The following TFB1M variants were observed in gnomAD, a reference collection of about 807,000 sequenced individuals.
The protein encoded by TFB1M is transcription factor B1, mitochondrial, also known as dimethyladenosine transferase 1, mitochondrial.
A neutral mutation model predicts 31.1 loss-of-function variants in TFB1M; 27 were observed. That is an observed-to-expected ratio of 0.87 (90% CI 0.64 to 1.20). TFB1M has a LOEUF of 1.20. TFB1M is among the 50% of genes most tolerant of loss of function. TFB1M has a pLI of 0.00. For synonymous variants in TFB1M, 166 were observed against 151.8 expected (o/e 1.09, Z -0.69); for missense variants, 394 against 418.7 (o/e 0.94, Z 0.51).
At chr6:155,248,342 G>A in the TFB1M span, among the ~76,000 whole-genome samples, 8 of 152,368 alleles carry the variant, frequency 5.3e-5, no homozygotes, top group East Asian at 1.5e-3. Flanking sequence ...GTGAATATGT[G>A]AAACTAGCTA....
intron 5 of TFB1M, among the ~76,000 whole-genome samples, chr6:155,280,995 G>A (rs1208936138): frequency 6.6e-6 from 1 of 152,026 alleles, no homozygotes; most frequent in African/African-American, 2.4e-5. Context: ...CATGTTTGAA[G>A]GTAACTTGTT....
At chr6:155,278,622 C>T (rs1433709588) in intron 5 of TFB1M, among the ~76,000 whole-genome samples, 1 of 152,220 alleles carries the variant, frequency 6.6e-6, no homozygotes, top group African/African-American at 2.4e-5. Flanking sequence ...TCTTACAGGA[C>T]ACTGAGGGCG....
In TFB1M at chr6:155,297,233, AT is replaced by A. The variant is rs1028637802; in HGVS notation, c.395-130del. 1,184 of 948,924 alleles carry A rather than the reference AT, an allele frequency of 1.2e-3. 1 individual carries two copies. Among genetic ancestry groups the A allele is most frequent in the Non-Finnish European group, 1.4e-3 (902 of 655,248 alleles). The allele number at this position is 948,924 out of a possible 1,614,324, so 58.8% of individuals were successfully genotyped here. On this transcript the variant is annotated intron_variant, in intron 3 of 6. Transcript: ENST00000367166. ...AAAATATATAAATAGACATGGCTAAATTTTTTTTTTCACTTATTATTCAAAA... is the reference window on the plus strand; with the variant it reads ...AAAATATATAAATAGACATGGCTAAATTTTTTTTTCACTTATTATTCAAAA...
the TFB1M span, among the ~76,000 whole-genome samples, chr6:155,234,781 G>A: frequency 6.6e-6 from 1 of 152,238 alleles, no homozygotes; most frequent in Non-Finnish European, 1.5e-5. Context: ...GTCTGCATAT[G>A]AGCTGTTTCT....
the TFB1M span, chr6:155,240,618 C>T: frequency 4.4e-5 from 71 of 1,614,042 alleles, no homozygotes; most frequent in African/African-American, 5.3e-4. Context: ...CAGGATCCTC[C>T]TCCGAGGTCT....
At chr6:155,249,968 A>T in the TFB1M span, 3 of 1,611,116 alleles carry the variant, frequency 1.9e-6, no homozygotes, top group Non-Finnish European at 2.5e-6. Flanking sequence ...ACAGAGAAGG[A>T]GGTCCGTGAG....
chr6:155,245,766 T>TTTTTTGCA, the TFB1M span: 2 of 1,439,940 alleles, frequency 1.4e-6, no homozygotes, highest in Non-Finnish European at 1.9e-6. Flanking sequence ...TTTTTTTTTT[T>TTTTTTGCA]TTTTGCATTT....
At chr6:155,252,251 G>A (rs1352645427), downstream of TFB1M, among the ~76,000 whole-genome samples, 1 of 152,142 alleles carries the variant, frequency 6.6e-6, no homozygotes, top group Non-Finnish European at 1.5e-5. Flanking sequence ...GGGAGGCTGA[G>A]GCTTGAGCCC....
intron 5 of TFB1M, among the ~76,000 whole-genome samples, chr6:155,281,901 A>T (rs1409052618): frequency 6.6e-6 from 1 of 152,068 alleles, no homozygotes; most frequent in Admixed American, 6.6e-5. Flanking sequence ...AGTAGCTGAA[A>T]AAAAAGATTA....
intron 2 of TFB1M, among the ~76,000 whole-genome samples, chr6:155,307,130 A>G (rs1777803913): frequency 1.0e-5 from 1 of 97,502 alleles, no homozygotes; most frequent in Non-Finnish European, 2.2e-5. Flanking sequence ...CCATGTCTCA[A>G]ACACATACAC....
the TFB1M span, among the ~76,000 whole-genome samples, chr6:155,243,846 CAAAAAAAAAAAAAAAAA>C: frequency 3.5e-4 from 19 of 55,056 alleles, 1 homozygote; most frequent in South Asian, 2.2e-3. Context: ...GACTCCGTCT[CAAAAAAAAAAAAAAAAA>C]AAAAAAAAAA....
intron 2 of TFB1M, among the ~76,000 whole-genome samples, chr6:155,302,049 AG>A (rs1408018642): frequency 6.6e-6 from 1 of 152,218 alleles, no homozygotes; most frequent in African/African-American, 2.4e-5. Flanking sequence ...GCTCCTCTGC[AG>A]GGGGCAAGTA....
chr6:155,311,100 TC>T (rs1001552395), intron 2 of TFB1M, 87 bp downstream of exon 2: 3 of 1,456,676 alleles, frequency 2.1e-6, no homozygotes, highest in Non-Finnish European at 2.9e-6. Flanking sequence ...ACCTACATAA[TC>T]TTTGGATACC....
chr6:155,259,439 C>T (rs1466985332), intron 6 of TFB1M, among the ~76,000 whole-genome samples: 1 of 152,244 alleles, frequency 6.6e-6, no homozygotes, highest in Non-Finnish European at 1.5e-5. Flanking sequence ...TGGACTGCAG[C>T]ACTCTTAGGA....
chr6:155,246,084 C>G, the TFB1M span, among the ~76,000 whole-genome samples: 1 of 149,366 alleles, frequency 6.7e-6, no homozygotes, highest in African/African-American at 2.5e-5. Context: ...TTTTTTTTTC[C>G]TTGTTAATCT....
At chr6:155,248,881 T>C in the TFB1M span, among the ~76,000 whole-genome samples, 8 of 152,230 alleles carry the variant, frequency 5.3e-5, no homozygotes, top group African/African-American at 1.9e-4. Flanking sequence ...GAGAGGCTTA[T>C]TAACACTTTA....
downstream of TFB1M, chr6:155,252,081 A>G: frequency 8.5e-7 from 1 of 1,174,634 alleles, no homozygotes; most frequent in Non-Finnish European, 1.2e-6. Flanking sequence ...TGAAAAGCCC[A>G]CTGAGCACCA....
At chr6:155,307,132 C>CACAT (rs1360998285) in intron 2 of TFB1M, among the ~76,000 whole-genome samples, 7 of 85,616 alleles carry the variant, frequency 8.2e-5, no homozygotes, top group African/African-American at 2.6e-4. Context: ...ATGTCTCAAA[C>CACAT]ACATACACAC....
At chr6:155,272,875 T>C (rs2114704211) in intron 5 of TFB1M, among the ~76,000 whole-genome samples, 1 of 152,314 alleles carries the variant, frequency 6.6e-6, no homozygotes, top group Middle Eastern at 3.4e-3. Flanking sequence ...ATGTCTGAAA[T>C]ATACTGAAAG....
Sources: allele counts gnomAD v4.1 joint callset (sites outside exome capture counted in the v4.1 genomes callset), GRCh38; gene constraint gnomAD v4.1.1; transcripts MANE v1.5; gene names NCBI Gene and HGNC (gene_info 2026-07-23, HGNC 2026-07-21).